Variants in NOD2 observed in about 807,000 individuals in gnomAD.
The protein encoded by NOD2 is nucleotide-binding oligomerization domain-containing protein 2.
NOD2 carries 86 observed loss-of-function variants against 90.9 expected under a neutral mutation model. The ratio of observed to expected loss-of-function variants is 0.95; its 90% CI spans 0.79 to 1.13. NOD2 has a LOEUF of 1.13. NOD2 is among the 50% of genes most tolerant of loss of function. NOD2 has a pLI of 0.00. For synonymous variants in NOD2, 581 were observed against 554.6 expected (o/e 1.05, Z -0.67); for missense variants, 1,238 against 1,283.8 (o/e 0.96, Z 0.55).
chr16:50,731,637 C>T, intron 11 of NOD2, 110 bp from the exon 12 acceptor site: 1 of 792,012 alleles, frequency 1.3e-6, no homozygotes, highest in Non-Finnish European at 2.2e-6. Flanking sequence ...GCAGCTGGGC[C>T]AGAGAGTCAG....
intron 3 of NOD2, among the ~76,000 whole-genome samples, chr16:50,710,343 T>C (rs1021939751): frequency 6.6e-6 from 1 of 152,230 alleles, no homozygotes; most frequent in Admixed American, 6.5e-5. Flanking sequence ...GTGACCAACA[T>C]TTCTCCCACC....
chr16:50,719,441 T>C (rs965581930), intron 6 of NOD2, among the ~76,000 whole-genome samples: 3 of 151,802 alleles, frequency 2.0e-5, no homozygotes, highest in Admixed American at 6.6e-5. Context: ...CCTCCCTCTC[T>C]CCTTCCTTTC....
At chr16:50,706,263 G>C (rs73575751) in intron 2 of NOD2, among the ~76,000 whole-genome samples, 5,690 of 152,282 alleles carry the variant, frequency 0.037, 330 homozygotes, top group African/African-American at 0.12. Flanking sequence ...TTGGGTCCAC[G>C]TGGTTCTAGA....
At chr16:50,709,464 T>C (rs1002552971) in intron 3 of NOD2, among the ~76,000 whole-genome samples, 2 of 152,144 alleles carry the variant, frequency 1.3e-5, no homozygotes, top group Non-Finnish European at 2.9e-5. Context: ...AACTAAACTC[T>C]GACACAGGAA....
intron 4 of NOD2, among the ~76,000 whole-genome samples, chr16:50,714,809 T>C (rs1466982774): frequency 1.3e-5 from 2 of 152,010 alleles, no homozygotes; most frequent in Non-Finnish European, 2.9e-5. Context: ...CCTATATAGG[T>C]TTCTTTAGAC....
Position 50,716,897 on chromosome 16 carries a change from C to T in NOD2, c.2472C>T (p.Phe824=), listed in dbSNP as rs774738662. 8.1e-6 allele frequency: 13 copies of T among 1,613,930 alleles called. No homozygotes were observed. In the South Asian group the frequency reaches 1.1e-4, roughly 14 times the overall value. The part of the protein sequence containing the change: ...HCEQLQKLAL[F]NNKLTDGCAH... ...CTCTTCTGGAACTGAACAGTCTATT[C>T]AACAACAAATTGACTGACGGCTGTG... The change falls in exon 6 of 12, where the codon TTC becomes TTT. Residue 824 remains phenylalanine, a synonymous_variant. Transcript: ENST00000647318.
At chr16:50,703,103 G>A (rs80099838) in intron 2 of NOD2, among the ~76,000 whole-genome samples, 305 of 152,314 alleles carry the variant, frequency 2.0e-3, no homozygotes, top group Non-Finnish European at 3.7e-3. Flanking sequence ...AGAAGAGTGT[G>A]TATATTTCAT....
intron 2 of NOD2, among the ~76,000 whole-genome samples, chr16:50,703,741 C>T (rs923501304): frequency 6.6e-6 from 1 of 151,710 alleles, no homozygotes; most frequent in Non-Finnish European, 1.5e-5. Context: ...TGAAGGTTCC[C>T]AAGGCAGGGA....
Position 50,711,936 on chromosome 16 carries a change from A to T in NOD2, c.1944A>T (p.Ala648=). The change falls in exon 4 of 12, where the codon GCA becomes GCT. Residue 648 remains alanine, a synonymous_variant. Coordinates refer to ENST00000647318, the MANE Select transcript of NOD2 (RefSeq NM_001370466.1). The stretch of plus-strand genomic sequence containing the variant: ...AGCCGCACAACCTTCAGATCACAGC[A>T]GCCTTCCTGGCAGGGCTGTTGTCCC... ...KAEPHNLQIT[A]AFLAGLLSRE... 1.9e-6 allele frequency: 3 copies of T among 1,612,160 alleles called. No individual in the cohort carries two copies. In the South Asian group the frequency reaches 3.3e-5, roughly 18 times the overall value.
At chr16:50,720,891 G>A (rs1233245330) in intron 7 of NOD2, among the ~76,000 whole-genome samples, 2 of 152,044 alleles carry the variant, frequency 1.3e-5, no homozygotes, top group Non-Finnish European at 2.9e-5. Context: ...TGCAACCTCC[G>A]CCTCCTTGGT....
intron 9 of NOD2, among the ~76,000 whole-genome samples, chr16:50,724,194 A>C (rs1965186445): frequency 1.3e-5 from 2 of 152,206 alleles, no homozygotes; most frequent in African/African-American, 4.8e-5. Flanking sequence ...CCCGGGAAGC[A>C]GAAAGGCACT....
At chr16:50,730,810 A>G (rs907145333) in intron 11 of NOD2, among the ~76,000 whole-genome samples, 3 of 152,326 alleles carry the variant, frequency 2.0e-5, no homozygotes, top group Non-Finnish European at 4.4e-5. Flanking sequence ...CATTCCCATA[A>G]GCCTGTGACC....
intron 1 of NOD2, chr16:50,697,038 T>G (rs191791166): frequency 1.6e-6 from 1 of 622,746 alleles, no homozygotes; most frequent in East Asian, 2.7e-5. Context: ...TGCACAAGGC[T>G]TTGTGCCAGA....
intron 1 of NOD2, among the ~76,000 whole-genome samples, chr16:50,695,469 C>T (rs1458612797): frequency 2.0e-5 from 3 of 151,922 alleles, no homozygotes. Flanking sequence ...TTGAGCTGCC[C>T]ATTAGGCATC....
At chr16:50,715,961 G>A (rs1222012077) in intron 4 of NOD2, among the ~76,000 whole-genome samples, 2 of 152,202 alleles carry the variant, frequency 1.3e-5, no homozygotes, top group Non-Finnish European at 2.9e-5. Flanking sequence ...TTTTAGGGAA[G>A]CTTTCAGATG....
chr16:50,706,173 G>T (rs1397046915), intron 2 of NOD2, among the ~76,000 whole-genome samples: 3 of 152,208 alleles, frequency 2.0e-5, no homozygotes, highest in Non-Finnish European at 4.4e-5. Flanking sequence ...AAGGCCCAGA[G>T]GCAGGAGCAT....
intron 1 of NOD2, chr16:50,697,141 A>T: frequency 9.8e-7 from 1 of 1,024,514 alleles, no homozygotes; most frequent in Non-Finnish European, 1.5e-6. Flanking sequence ...TGGGGTTGGT[A>T]GACAGATCCA....
In NOD2 at chr16:50,729,829, A is replaced by G. The variant is rs147750423; in HGVS notation, c.2897A>G (p.Asn966Ser). 6.2e-7 allele frequency: 1 copy of G among 1,612,560 alleles called. No homozygotes were observed. Among genetic ancestry groups the G allele is most frequent in the Non-Finnish European group, 8.5e-7 (1 of 1,178,836 alleles). ...SSLKILKLSN[N>S]CITYLGAEAL... ...ATCTTCTTTTCCAGGTTGTCCAATA[A>G]CTGCATCACCTACCTAGGGGCAGAA... is the stretch of plus-strand genomic sequence containing the variant. Residue 966 changes from asparagine to serine, a missense_variant, in exon 11 of 12, where the codon AAC (asparagine) becomes AGC (serine). Transcript: ENST00000647318.
intron 3 of NOD2, among the ~76,000 whole-genome samples, chr16:50,708,362 G>T (rs145522024): frequency 5.6e-4 from 86 of 152,282 alleles, no homozygotes; most frequent in African/African-American, 2.0e-3. Flanking sequence ...GAACCAAGTG[G>T]ATCTAGAGAC....
Sources: gnomAD v4.1 joint callset for allele counts (sites outside exome capture counted in the v4.1 genomes callset) on GRCh38, gnomAD v4.1.1 for gene constraint, MANE v1.5 for transcripts, NCBI Gene and HGNC (gene_info 2026-07-23, HGNC 2026-07-21) for gene names.